ARHGAP15: variants seen among roughly 807,000 people sequenced by gnomAD.
ARHGAP15 encodes the protein Rho GTPase activating protein 15, also known as rho GTPase-activating protein 15.
A neutral mutation model predicts 63.7 loss-of-function variants in ARHGAP15; 51 were observed. That is an observed-to-expected ratio of 0.80 (90% CI 0.64 to 1.01). ARHGAP15 has a LOEUF of 1.01. Among genes scored for constraint, ARHGAP15 ranks in the 50% least tolerant of loss-of-function variants. ARHGAP15 has a pLI of 0.00. For synonymous variants in ARHGAP15, 191 were observed against 193.8 expected (o/e 0.99, Z 0.12); for missense variants, 560 against 564.6 (o/e 0.99, Z 0.08).
At chr2:143,596,821 A>C (rs935117350) in intron 11 of ARHGAP15, among the ~76,000 whole-genome samples, 7 of 152,152 alleles carry the variant, frequency 4.6e-5, no homozygotes, top group African/African-American at 1.4e-4. Flanking sequence ...TTATGCAAAA[A>C]GTCTTCACAG....
At chr2:143,297,868 A>C (rs191808001) in intron 6 of ARHGAP15, among the ~76,000 whole-genome samples, 51 of 152,136 alleles carry the variant, frequency 3.4e-4, no homozygotes, top group Admixed American at 2.9e-3. Context: ...AACCCACCAC[A>C]AAACAGTATA....
chr2:143,155,588 G>C lies in ARHGAP15; in HGVS notation c.98G>C (p.Ser33Thr), dbSNP rs771368101. ...AVQMRIKNAN[S>T]HHDRLSQSKS... Reference sequence around the variant, plus strand: ...CAAATGAGAATCAAAAATGCCAACAGCCACCATGACAGGCTCAGCCAAAGT... The same window carrying C: ...CAAATGAGAATCAAAAATGCCAACACCCACCATGACAGGCTCAGCCAAAGT... The change falls in exon 2 of 14, where the codon AGC becomes ACC. Residue 33 changes from serine to threonine, a missense_variant. Physicochemically the swap from Ser to Thr is moderately conservative, Grantham distance 58. Coordinates refer to ENST00000295095, the MANE Select transcript of ARHGAP15 (RefSeq NM_018460.4). The C allele has an allele frequency of 6.2e-7, 1 of 1,609,290 alleles. No individual in the cohort carries two copies. The highest frequency in any genetic ancestry group is 8.5e-7 in the Non-Finnish European group (1 of 1,177,932).
intron 13 of ARHGAP15, among the ~76,000 whole-genome samples, chr2:143,711,894 C>T (rs924477691): frequency 6.6e-6 from 1 of 152,160 alleles, no homozygotes; most frequent in Non-Finnish European, 1.5e-5. Context: ...TTTGCCAATG[C>T]ACTCTAGGCA....
At chr2:143,508,763 T>A (rs1253980114) in intron 9 of ARHGAP15, among the ~76,000 whole-genome samples, 1 of 152,188 alleles carries the variant, frequency 6.6e-6, no homozygotes, top group East Asian at 1.9e-4. Context: ...CTCTTTAAGA[T>A]GCAAATTTCT....
intron 2 of ARHGAP15, among the ~76,000 whole-genome samples, chr2:143,170,119 A>G (rs537492589): frequency 1.3e-5 from 2 of 149,814 alleles, no homozygotes; most frequent in Middle Eastern, 3.5e-3. Flanking sequence ...ACACCCACCT[A>G]CATTCTGAAC....
chr2:143,226,433 A>G (rs1693215855), intron 4 of ARHGAP15, among the ~76,000 whole-genome samples: 1 of 152,236 alleles, frequency 6.6e-6, no homozygotes. Flanking sequence ...TTCGTGTGTG[A>G]GGGTGTTCTG....
chr2:143,589,244 TA>T (rs555908132), intron 11 of ARHGAP15, among the ~76,000 whole-genome samples: 4 of 152,248 alleles, frequency 2.6e-5, no homozygotes, highest in South Asian at 4.1e-4. Context: ...AGAGAAATTT[TA>T]TCTTTGCTCC....
chr2:143,575,283 G>C (rs1404978320), intron 11 of ARHGAP15, among the ~76,000 whole-genome samples: 3 of 152,114 alleles, frequency 2.0e-5, no homozygotes, highest in Non-Finnish European at 4.4e-5. Flanking sequence ...TTTTAAAACT[G>C]TTTATCTCTG....
At chr2:143,576,922 G>T (rs946762347) in intron 11 of ARHGAP15, among the ~76,000 whole-genome samples, 3 of 152,114 alleles carry the variant, frequency 2.0e-5, no homozygotes, top group African/African-American at 7.2e-5. Context: ...CCCAATTAAT[G>T]ATTTTAGCTG....
intron 6 of ARHGAP15, among the ~76,000 whole-genome samples, chr2:143,342,975 T>C (rs1352315824): frequency 6.6e-6 from 1 of 152,088 alleles, no homozygotes; most frequent in African/African-American, 2.4e-5. Flanking sequence ...TTTTTTGTTG[T>C]ATTATTTTGC....
chr2:143,399,676 A>G (rs569145975), intron 6 of ARHGAP15, among the ~76,000 whole-genome samples: 3 of 152,094 alleles, frequency 2.0e-5, no homozygotes, highest in African/African-American at 4.8e-5. Flanking sequence ...TAAAAAGGTT[A>G]AGAGACTTCC....
intron 6 of ARHGAP15, among the ~76,000 whole-genome samples, chr2:143,336,579 AAG>A (rs869171620): frequency 1.8e-5 from 1 of 57,070 alleles, no homozygotes; most frequent in African/African-American, 3.1e-5. Context: ...GTTTAAAAAA[AAG>A]TGCAGTGATA....
At chr2:143,161,979 A>G (rs568155684) in intron 2 of ARHGAP15, 1 of 152,126 alleles carries the variant, frequency 6.6e-6, no homozygotes, top group South Asian at 2.1e-4. Flanking sequence ...ATGGAATGAC[A>G]GATATCATTC....
intron 9 of ARHGAP15, among the ~76,000 whole-genome samples, chr2:143,511,999 C>T (rs1200091932): frequency 6.6e-6 from 1 of 152,142 alleles, no homozygotes; most frequent in Non-Finnish European, 1.5e-5. Context: ...ACATTCTTTC[C>T]ACTGTAAATG....
chr2:143,183,487 G>C (rs561263074), intron 2 of ARHGAP15, among the ~76,000 whole-genome samples: 1 of 152,060 alleles, frequency 6.6e-6, no homozygotes, highest in Non-Finnish European at 1.5e-5. Context: ...CACCATCAGA[G>C]GCTACAATTT....
intron 11 of ARHGAP15, among the ~76,000 whole-genome samples, chr2:143,620,884 C>A (rs1051701907): frequency 6.6e-6 from 1 of 152,256 alleles, no homozygotes; most frequent in African/African-American, 2.4e-5. Context: ...GGATTTTGTT[C>A]TATAAAAAGT....
intron 2 of ARHGAP15, among the ~76,000 whole-genome samples, chr2:143,174,356 C>T (rs1048623776): frequency 1.3e-5 from 2 of 152,130 alleles, no homozygotes; most frequent in Admixed American, 6.6e-5. Context: ...AATGAAAAGA[C>T]TTTGATCACC....
chr2:143,331,105 A>C (rs1250158206), intron 6 of ARHGAP15, among the ~76,000 whole-genome samples: 2 of 152,216 alleles, frequency 1.3e-5, no homozygotes, highest in Non-Finnish European at 2.9e-5. Flanking sequence ...ATGTGAATGA[A>C]GGAGTTTCCC....
At chr2:143,352,162 G>A (rs1685601652) in intron 6 of ARHGAP15, among the ~76,000 whole-genome samples, 2 of 152,026 alleles carry the variant, frequency 1.3e-5, no homozygotes, top group Admixed American at 1.3e-4. Context: ...ATTGCTTTTG[G>A]CAAAGAATAC....
Sources: gnomAD v4.1 joint callset for allele counts (sites outside exome capture counted in the v4.1 genomes callset) on GRCh38, gnomAD v4.1.1 for gene constraint, MANE v1.5 for transcripts, NCBI Gene and HGNC (gene_info 2026-07-23, HGNC 2026-07-21) for gene names.